The following BCAS3 variants were observed in gnomAD, a reference collection of about 807,000 sequenced individuals.
The protein encoded by BCAS3 is BCAS4/BCAS3 fusion.
Under a neutral mutation model 116.1 loss-of-function variants are expected in BCAS3, and 53 were observed. The observed-to-expected ratio is 0.46, with a 90% CI of 0.37 to 0.57. The LOEUF (loss-of-function observed/expected upper bound fraction) is 0.57. Among genes scored for constraint, BCAS3 ranks in the 20% least tolerant of loss-of-function variants. The pLI is 0.00. For synonymous variants in BCAS3, 391 were observed against 408.2 expected (o/e 0.96, Z 0.51); for missense variants, 917 against 1,165.4 (o/e 0.79, Z 3.10).
At chr17:61,306,687 G>A (rs577473245) in intron 22 of BCAS3, among the ~76,000 whole-genome samples, 10 of 152,252 alleles carry the variant, frequency 6.6e-5, no homozygotes, top group African/African-American at 2.4e-4. Flanking sequence ...GAGGCAGGAG[G>A]ATCGCTTGAG....
chr17:61,111,478 G>A (rs1296482326), intron 22 of BCAS3, among the ~76,000 whole-genome samples: 2 of 152,116 alleles, frequency 1.3e-5, no homozygotes, highest in Admixed American at 6.5e-5. Flanking sequence ...CTGGAAGAAA[G>A]GGTATCAGCG....
chr17:61,243,156 C>T lies in BCAS3; in HGVS notation c.2426-125171C>T, dbSNP rs74733485. Among the ~76,000 whole-genome samples the T allele has an allele frequency of 0.053, 8,098 of 152,200 alleles. 209 individuals carry two copies. Among genetic ancestry groups the T allele is most frequent in the East Asian group, 0.091 (473 of 5,174 alleles). On this transcript the variant is annotated intron_variant, in intron 22 of 23. Transcript: ENST00000407086. This position sits in a 1 kb window ranked among gnomAD's most constrained non-coding sequence, Gnocchi z 5.6. ...CCATCTCCTGACCTCGTGATCCGCC[C>T]GCCACGGCCTCCCAAAGTGCTGGGA... is the stretch of plus-strand genomic sequence containing the variant.
chr17:60,817,468 T>A (rs1193442537), intron 7 of BCAS3, among the ~76,000 whole-genome samples: 1 of 152,248 alleles, frequency 6.6e-6, no homozygotes, highest in Non-Finnish European at 1.5e-5. Flanking sequence ...ATCCAATATA[T>A]TATGATCACA....
rs1253438499 is a variant in BCAS3, at chr17:61,023,503, A to G, written c.1637+7602A>G. Reference sequence around the variant, plus strand: ...ATTGTTACTAATACCTTTTAGCACTAGAGTCAGATTATAGAGGATTGGAGG... The same window carrying G: ...ATTGTTACTAATACCTTTTAGCACTGGAGTCAGATTATAGAGGATTGGAGG... On this transcript the variant is annotated intron_variant, in intron 16 of 23. Coordinates refer to ENST00000407086, the MANE Select transcript of BCAS3 (RefSeq NM_017679.5). The surrounding 1 kb of genome is among the most constrained non-coding windows in gnomAD (Gnocchi z 4.8). Among the ~76,000 whole-genome samples, 1 of 152,184 alleles carries G rather than the reference A, an allele frequency of 6.6e-6. No homozygotes were observed. Among genetic ancestry groups the G allele is most frequent in the Non-Finnish European group, 1.5e-5 (1 of 68,024 alleles).
chr17:60,921,964 A>G (rs1280777386), intron 12 of BCAS3, among the ~76,000 whole-genome samples: 1 of 152,196 alleles, frequency 6.6e-6, no homozygotes, highest in Non-Finnish European at 1.5e-5. Flanking sequence ...GTTAACACAT[A>G]ATACAGATAA....
At chr17:60,946,507 AAGT>A (rs574605990) in intron 13 of BCAS3, among the ~76,000 whole-genome samples, 8 of 152,166 alleles carry the variant, frequency 5.3e-5, no homozygotes, top group Admixed American at 1.3e-4. Context: ...TAAGTACAGG[AAGT>A]AGTAGTTGGA....
In BCAS3 at chr17:61,368,158, G is replaced by T. The variant is rs979026519; in HGVS notation, c.2426-169G>T. On this transcript the variant is annotated intron_variant, in intron 22 of 23. Coordinates refer to ENST00000407086, the MANE Select transcript of BCAS3 (RefSeq NM_017679.5). This position sits in a 1 kb window ranked among gnomAD's most constrained non-coding sequence, Gnocchi z 6.0. ...CTCCAGAGGTCTGCACTCTCTCAGC[G>T]GCATGAGCTATTTCTCCTGCGCTAC... 15 of 595,652 alleles carry T rather than the reference G, an allele frequency of 2.5e-5. No homozygotes were observed. In the East Asian group the frequency reaches 4.1e-4, roughly 16 times the overall value. 36.9% of individuals were successfully genotyped at this position (595,652 alleles called of 1,614,324 possible). A position where few individuals can be genotyped will look rare whatever the true frequency, so the allele number is the denominator to read the frequency against.
At position 61,134,697 on chromosome 17, in the gene BCAS3, A is replaced by G. The variant is rs1461981191; in HGVS notation, c.2425+50133A>G. Among the ~76,000 whole-genome samples, 1 of 152,220 alleles carries G rather than the reference A, an allele frequency of 6.6e-6. No homozygotes were observed. Among genetic ancestry groups the G allele is most frequent in the Non-Finnish European group, 1.5e-5 (1 of 68,040 alleles). On this transcript the variant is annotated intron_variant, in intron 22 of 23. Transcript: ENST00000407086. This position sits in a 1 kb window ranked among gnomAD's most constrained non-coding sequence, Gnocchi z 4.6. ...GCCTGTACTATATAATTATGTAATT[A>G]TATTTACAAACACCTCATTTAACCT...
In BCAS3 at chr17:61,211,543, C is replaced by G. The variant is rs919292179; in HGVS notation, c.2425+126979C>G. On this transcript the variant is annotated intron_variant, in intron 22 of 23. Transcript: ENST00000407086. This position sits in a 1 kb window ranked among gnomAD's most constrained non-coding sequence, Gnocchi z 4.4. ...TGGCTGAAAAAAGCACTGTCTACAACAGCAGAGGTGGCCGAGAAAGGCAGA... is the reference window on the plus strand; with the variant it reads ...TGGCTGAAAAAAGCACTGTCTACAAGAGCAGAGGTGGCCGAGAAAGGCAGA... Among the ~76,000 whole-genome samples, 4 of 152,142 alleles carry G rather than the reference C, an allele frequency of 2.6e-5. No homozygotes were observed. The highest frequency in any genetic ancestry group is 4.4e-5 in the Non-Finnish European group (3 of 68,038).
At chr17:60,997,620 G>T (rs1176199139) in intron 15 of BCAS3, among the ~76,000 whole-genome samples, 2 of 152,106 alleles carry the variant, frequency 1.3e-5, no homozygotes, top group Non-Finnish European at 2.9e-5. Flanking sequence ...ACCGTTATTT[G>T]TGCCCTAAGT....
chr17:61,069,953 T>G (rs752317681), intron 19 of BCAS3: 1 of 1,568,468 alleles, frequency 6.4e-7, no homozygotes, highest in Non-Finnish European at 8.7e-7. Flanking sequence ...AAGAAGGCAG[T>G]GTTGAAAGGT....
In BCAS3 at chr17:60,679,921, G is replaced by A. The variant is rs529335049; in HGVS notation, c.83+381G>A. ...TGGGAGGCCCAGGCAGGCGGATCAC[G>A]AGATCAGGAGATCGAGACCATCCTG... On this transcript the variant is annotated intron_variant, in intron 2 of 23. Coordinates refer to ENST00000407086, the MANE Select transcript of BCAS3 (RefSeq NM_017679.5). Among the ~76,000 whole-genome samples the A allele has an allele frequency of 2.4e-3, 365 of 152,132 alleles. 1 individual carries two copies. Among genetic ancestry groups the A allele is most frequent in the Non-Finnish European group, 4.1e-3 (278 of 68,006 alleles).
At chr17:61,190,317 G>A (rs2080026207) in intron 22 of BCAS3, among the ~76,000 whole-genome samples, 1 of 151,828 alleles carries the variant, frequency 6.6e-6, no homozygotes, top group African/African-American at 2.4e-5. Context: ...CCTGAGGTCC[G>A]GAGTTCAAGA....
chr17:61,292,677 G>A (rs961795876), intron 22 of BCAS3, among the ~76,000 whole-genome samples: 2 of 151,964 alleles, frequency 1.3e-5, no homozygotes, highest in African/African-American at 2.4e-5. Context: ...GAAATGAGGG[G>A]TGAGGGGTCC....
At chr17:61,322,838 G>GAGAGAGAGAGAGAC (rs2055391234) in intron 22 of BCAS3, among the ~76,000 whole-genome samples, 5 of 139,132 alleles carry the variant, frequency 3.6e-5, no homozygotes, top group South Asian at 2.2e-4. Flanking sequence ...GACAGAGAGA[G>GAGAGAGAGAGAGAC]AGAGAGAGAG....
At chr17:60,745,339 T>C (rs2041937059) in intron 5 of BCAS3, among the ~76,000 whole-genome samples, 1 of 151,986 alleles carries the variant, frequency 6.6e-6, no homozygotes, top group Non-Finnish European at 1.5e-5. Flanking sequence ...ATTTTTAAAA[T>C]GTAAATGGCT....
rs192265502 is a variant in BCAS3, at chr17:60,804,136, C to T, written c.404-3868C>T. On this transcript the variant is annotated intron_variant, in intron 6 of 23. Transcript: ENST00000407086. ...GATTTTTATATGTCCTCGTGGAGTT[C>T]GTATATGTATGTATACATATATGCA... 4.6e-5 allele frequency among the ~76,000 whole-genome samples: 7 copies of T among 150,664 alleles called. No homozygotes were observed. The East Asian group carries it at 7.9e-4, about 17-fold the overall frequency.
At chr17:61,080,543 G>C (rs2072490083) in intron 21 of BCAS3, among the ~76,000 whole-genome samples, 1 of 151,892 alleles carries the variant, frequency 6.6e-6, no homozygotes, top group African/African-American at 2.4e-5. Flanking sequence ...AGGAGTTCGA[G>C]ACCAGCCTGG....
rs2076159457 is a variant in BCAS3 at position 61,128,467 on chromosome 17, A to T, written c.2425+43903A>T. ...AGAGTAATAATAATAGATTTGGAGA[A>T]TGTTCTGTGTTTTCAAAGACAGAGG... On this transcript the variant is annotated intron_variant, in intron 22 of 23. Transcript: ENST00000407086. The surrounding 1 kb of genome is among the most constrained non-coding windows in gnomAD (Gnocchi z 4.1). 4 of 985,440 alleles carry T rather than the reference A, an allele frequency of 4.1e-6. No individual in the cohort carries two copies. The African/African-American group carries it at 5.2e-5, about 13-fold the overall frequency. 61.0% of individuals were successfully genotyped at this position (985,440 alleles called of 1,614,324 possible).
Sources: allele counts gnomAD v4.1 joint callset (sites outside exome capture counted in the v4.1 genomes callset), GRCh38; gene constraint gnomAD v4.1.1; non-coding constraint Gnocchi (gnomAD v3.1); transcripts MANE v1.5; gene names NCBI Gene and HGNC (gene_info 2026-07-23, HGNC 2026-07-21).